The following CSMD1 variants were observed in gnomAD, a reference collection of about 807,000 sequenced individuals.
CSMD1 encodes CUB and Sushi multiple domains 1.
Under a neutral mutation model 417.5 loss-of-function variants are expected in CSMD1, and 213 were observed. The ratio of observed to expected loss-of-function variants is 0.51; its 90% CI spans 0.46 to 0.57. CSMD1 has a LOEUF of 0.57. Ranked by LOEUF, CSMD1 falls within the 20% of genes least tolerant of loss-of-function variation. The probability of loss-of-function intolerance (pLI) is 0.00; values close to 1 mark genes in which losing one functional copy is unlikely to be tolerated. For synonymous variants in CSMD1, 2,862 were observed against 1,736.8 expected, an observed-to-expected ratio of 1.65 and a Z score of -16.11; for missense variants, 6,923 against 4,529.7, an observed-to-expected ratio of 1.53 and a Z score of -15.17.
At chr8:4,133,846 C>A (rs1803258104) in intron 3 of CSMD1, among the ~76,000 whole-genome samples, 1 of 152,096 alleles carries the variant, frequency 6.6e-6, no homozygotes, top group Non-Finnish European at 1.5e-5. Flanking sequence ...ACCTGCTTTG[C>A]AATCAGGGTT....
At chr8:4,344,774 C>T (rs73660758) in intron 3 of CSMD1, among the ~76,000 whole-genome samples, 4,284 of 152,144 alleles carry the variant, frequency 0.028, 217 homozygotes, top group African/African-American at 0.098. Flanking sequence ...TAGATAAAAA[C>T]ATGTTTACCA....
chr8:3,643,443 C>T (rs956594338), intron 7 of CSMD1, among the ~76,000 whole-genome samples: 1 of 152,142 alleles, frequency 6.6e-6, no homozygotes, highest in South Asian at 2.1e-4. Context: ...TGGCTCACGC[C>T]TGTAATCCTA....
intron 8 of CSMD1, among the ~76,000 whole-genome samples, chr8:3,610,523 A>C (rs142324232): frequency 6.4e-4 from 97 of 151,866 alleles, no homozygotes; most frequent in Non-Finnish European, 1.1e-3. Context: ...TATAAAAATA[A>C]ATAGGTCATA....
At chr8:3,872,933 C>A (rs570770760) in intron 5 of CSMD1, among the ~76,000 whole-genome samples, 136 of 151,406 alleles carry the variant, frequency 9.0e-4, no homozygotes, top group African/African-American at 3.2e-3. Flanking sequence ...ATACATGTGG[C>A]CAACAATCAT....
chr8:3,014,319 A>G (rs1808657606), intron 52 of CSMD1, among the ~76,000 whole-genome samples: 1 of 152,230 alleles, frequency 6.6e-6, no homozygotes, highest in Non-Finnish European at 1.5e-5. Context: ...GTGAAAATAC[A>G]TTTCCAAAGT....
At chr8:4,684,979 A>G (rs2116732069) in intron 1 of CSMD1, among the ~76,000 whole-genome samples, 1 of 152,286 alleles carries the variant, frequency 6.6e-6, no homozygotes, top group East Asian at 1.9e-4. Flanking sequence ...TAATGATAGT[A>G]AGAAAAAAAG....
chr8:3,462,248 C>T (rs549269215), intron 12 of CSMD1, among the ~76,000 whole-genome samples: 1 of 152,262 alleles, frequency 6.6e-6, no homozygotes, highest in African/African-American at 2.4e-5. Flanking sequence ...CCAAGCCTGG[C>T]CCAATTGCTT....
chr8:3,387,319 T>G (rs189277854), intron 18 of CSMD1, among the ~76,000 whole-genome samples, 175 bp downstream of exon 18: 1 of 152,178 alleles, frequency 6.6e-6, no homozygotes, highest in African/African-American at 2.4e-5. Context: ...TACACGGTGG[T>G]AGGTAAACTT....
At chr8:3,735,452 G>T (rs1197950730) in intron 6 of CSMD1, among the ~76,000 whole-genome samples, 1 of 152,128 alleles carries the variant, frequency 6.6e-6, no homozygotes, top group East Asian at 1.9e-4. Flanking sequence ...CAGGTATTAG[G>T]CAAAATGTTT....
At chr8:4,764,630 T>A (rs999364218) in intron 1 of CSMD1, among the ~76,000 whole-genome samples, 3 of 151,772 alleles carry the variant, frequency 2.0e-5, no homozygotes, top group African/African-American at 7.2e-5. Flanking sequence ...TCTACTGGAT[T>A]TAGATAATTC....
rs769717012 is a variant in CSMD1 at position 3,387,560 on chromosome 8, T to A, written c.2716A>T (p.Ser906Cys). 2 of 1,602,406 alleles carry A rather than the reference T, an allele frequency of 1.2e-6. No homozygotes were observed. Among genetic ancestry groups the A allele is most frequent in the African/African-American group, 1.3e-5 (1 of 74,678 alleles). Residue 906 changes from serine (S) to cysteine (C), a missense_variant, in exon 18 of 70, where the codon AGT (serine) becomes TGT (cysteine). By Grantham distance (112) the Ser-to-Cys change is moderately radical. Coordinates refer to ENST00000635120, the MANE Select transcript of CSMD1 (RefSeq NM_033225.6). ...TCACAGACGAGGGGCTCGTCGTCAC[T>A]TAGTGTGTACCCCGGGTCACAGCTG... The part of the protein sequence containing the change: ...TFSCDPGYTL[S>C]DDEPLVCERN...
intron 3 of CSMD1, among the ~76,000 whole-genome samples, chr8:4,271,179 T>G (rs1804569360): frequency 6.6e-6 from 1 of 152,156 alleles, no homozygotes; most frequent in Non-Finnish European, 1.5e-5. Context: ...TACATATGTT[T>G]TCATTTATGG....
chr8:3,172,216 T>A (rs1027686132), intron 37 of CSMD1, among the ~76,000 whole-genome samples: 3 of 152,228 alleles, frequency 2.0e-5, no homozygotes, highest in Non-Finnish European at 4.4e-5. Flanking sequence ...GTCTTCCTTT[T>A]CTGACTGCTC....
intron 5 of CSMD1, among the ~76,000 whole-genome samples, chr8:3,792,636 T>C (rs553790067): frequency 6.6e-6 from 1 of 152,182 alleles, no homozygotes; most frequent in Admixed American, 6.5e-5. Flanking sequence ...AGGCAGTAAG[T>C]TAATCATTTG....
At chr8:4,001,964 A>T (rs1397048853) in intron 4 of CSMD1, among the ~76,000 whole-genome samples, 3 of 152,174 alleles carry the variant, frequency 2.0e-5, no homozygotes, top group Non-Finnish European at 4.4e-5. Context: ...TCCATAGAAT[A>T]TTCCGGAATG....
rs1329024481 is a variant in CSMD1 at position 3,726,263 on chromosome 8, G to C, written c.932-17772C>G. 3.3e-5 allele frequency among the ~76,000 whole-genome samples: 5 copies of C among 152,318 alleles called. 1 individual carries two copies. In the South Asian group the frequency reaches 8.3e-4, roughly 25 times the overall value. On this transcript the variant is annotated intron_variant, in intron 6 of 69. Transcript: ENST00000635120. ...TGAGAGGCTGGGAAAGAACAGCCCA[G>C]CTAGGCTGCACATCGTCTCCCTTAA...
chr8:3,668,651 T>A (rs11984726), intron 7 of CSMD1, among the ~76,000 whole-genome samples: 2 of 151,966 alleles, frequency 1.3e-5, no homozygotes, highest in African/African-American at 4.8e-5. Flanking sequence ...GTGTGCAATA[T>A]AGAAGCTCAG....
At chr8:4,176,170 T>C (rs1798029803) in intron 3 of CSMD1, among the ~76,000 whole-genome samples, 1 of 151,998 alleles carries the variant, frequency 6.6e-6, no homozygotes. Flanking sequence ...TATGTCTTGA[T>C]CAGAAGCCCT....
At chr8:2,991,931 C>T (rs1333263783) in intron 54 of CSMD1, among the ~76,000 whole-genome samples, 4 of 152,108 alleles carry the variant, frequency 2.6e-5, no homozygotes, top group Admixed American at 6.6e-5. Flanking sequence ...GAAAACCTGA[C>T]GTTATTTCCT....
Sources: gnomAD v4.1 joint callset for allele counts (sites outside exome capture counted in the v4.1 genomes callset) on GRCh38, gnomAD v4.1.1 for gene constraint, MANE v1.5 for transcripts, NCBI Gene and HGNC (gene_info 2026-07-23, HGNC 2026-07-21) for gene names.